The following ME2 variants were observed in gnomAD, a reference collection of about 807,000 sequenced individuals.
The protein encoded by ME2 is malic enzyme 2, also known as NAD-dependent malic enzyme, mitochondrial.
ME2 carries 60 observed loss-of-function variants against 73.7 expected under a neutral mutation model. The ratio of observed to expected loss-of-function variants is 0.81; its 90% confidence interval spans 0.66 to 1.01. ME2 has a LOEUF of 1.01. ME2 is among the 50% of genes least tolerant of loss of function. ME2 has a pLI of 0.00. For missense variants in ME2, 594 were observed against 705.5 expected (o/e 0.84, Z 1.79); for synonymous variants, 199 against 236.9 (o/e 0.84, Z 1.47).
intron 3 of ME2, among the ~76,000 whole-genome samples, chr18:50,910,258 C>G (rs1468056770): frequency 8.1e-6 from 1 of 123,770 alleles, no homozygotes; most frequent in Non-Finnish European, 1.6e-5. Context: ...AGAGTGGGAC[C>G]CTGTTTCTAC....
rs1918237649 is a variant in ME2 at position 50,951,926 on chromosome 18, A to C, written c.*4742A>C. On this transcript the variant is annotated 3_prime_UTR_variant, in exon 16 of 16. Coordinates refer to ENST00000321341, the MANE Select transcript of ME2 (RefSeq NM_002396.5). Reference sequence around the variant, plus strand: ...AAATCTCCAGGGTTCTGTTGAATTCACCAAAATGGGGTCAGCTCTGGTGAG... The same window carrying C: ...AAATCTCCAGGGTTCTGTTGAATTCCCCAAAATGGGGTCAGCTCTGGTGAG... 6.7e-6 allele frequency: 1 copy of C among 148,548 alleles called. No homozygotes were observed. Among genetic ancestry groups the C allele is most frequent in the South Asian group, 2.1e-4 (1 of 4,730 alleles). The allele number at this position is 148,548 out of a possible 1,614,324, so 9.2% of individuals were successfully genotyped here.
intron 2 of ME2, among the ~76,000 whole-genome samples, chr18:50,896,359 T>A (rs184654454): frequency 4.7e-4 from 72 of 152,302 alleles, no homozygotes; most frequent in Non-Finnish European, 1.5e-4. Flanking sequence ...CACCTCCACT[T>A]ATCTTTTTGG....
At position 50,949,278 on chromosome 18, in the gene ME2, G is replaced by A. The variant is rs1197483910; in HGVS notation, c.*2094G>A. On this transcript the variant is annotated 3_prime_UTR_variant, in exon 16 of 16. Coordinates refer to ENST00000321341, the MANE Select transcript of ME2 (RefSeq NM_002396.5). ...TCAGAAGTCTTTTTCATAACATACG[G>A]TCACAATTCCTTTCTTTTAATTAAA... 1 of 152,238 alleles carries A rather than the reference G, an allele frequency of 6.6e-6. No homozygotes were observed. Among genetic ancestry groups the A allele is most frequent in the African/African-American group, 2.4e-5 (1 of 41,448 alleles). 9.4% of individuals were successfully genotyped at this position (152,238 alleles called of 1,614,324 possible). A position where few individuals can be genotyped will look rare whatever the true frequency, so the allele number is the denominator to read the frequency against.
chr18:50,889,615 C>T (rs781507933), intron 1 of ME2, among the ~76,000 whole-genome samples: 3 of 152,052 alleles, frequency 2.0e-5, no homozygotes, highest in Non-Finnish European at 4.4e-5. Context: ...GTTAAGCGTT[C>T]CTAATAATGA....
intron 15 of ME2, 61 bp from the exon 16 acceptor site, chr18:50,946,956 A>G (rs1599131681): frequency 8.4e-7 from 1 of 1,190,488 alleles, no homozygotes; most frequent in East Asian, 2.4e-5. Context: ...TTATAATAGT[A>G]CGTTGTCTCT....
intron 1 of ME2, among the ~76,000 whole-genome samples, chr18:50,886,391 G>A (rs750360334): frequency 4.6e-5 from 7 of 151,814 alleles, no homozygotes; most frequent in Admixed American, 1.3e-4. Context: ...TTACAAGCAC[G>A]TACCACCCTG....
intron 13 of ME2, chr18:50,932,614 G>T (rs567650872): frequency 3.6e-6 from 1 of 281,054 alleles, no homozygotes; most frequent in South Asian, 6.8e-5. Context: ...CAGAGGAACA[G>T]AATGGCACAA....
At chr18:50,900,951 T>C (rs1208929613) in intron 2 of ME2, among the ~76,000 whole-genome samples, 1 of 152,242 alleles carries the variant, frequency 6.6e-6, no homozygotes, top group Non-Finnish European at 1.5e-5. Context: ...TATTTCGTCA[T>C]AGCAGCATGA....
intron 4 of ME2, among the ~76,000 whole-genome samples, chr18:50,915,175 A>G (rs1354139437): frequency 6.6e-6 from 1 of 152,118 alleles, no homozygotes; most frequent in Non-Finnish European, 1.5e-5. Flanking sequence ...GTAAGAATAC[A>G]GTATAGAATT....
chr18:50,906,803 A>C (rs1215106390), intron 2 of ME2, among the ~76,000 whole-genome samples: 2 of 152,204 alleles, frequency 1.3e-5, no homozygotes, highest in African/African-American at 4.8e-5. Flanking sequence ...GCAGTTTACA[A>C]CTACCCAGAA....
At chr18:50,933,359 A>G (rs1021570724) in intron 13 of ME2, 6 of 152,234 alleles carry the variant, frequency 3.9e-5, no homozygotes, top group South Asian at 2.1e-4. Flanking sequence ...AGATATGACA[A>G]GTTTATATAG....
chr18:50,951,265 TG>T lies in ME2; in HGVS notation c.*4082del, dbSNP rs1230956266. 6.6e-6 allele frequency: 1 copy of T among 152,200 alleles called. No individual in the cohort carries two copies. The highest frequency in any genetic ancestry group is 2.4e-5 in the African/African-American group (1 of 41,448). 9.4% of individuals were successfully genotyped at this position (152,200 alleles called of 1,614,324 possible). On this transcript the variant is annotated 3_prime_UTR_variant, in exon 16 of 16. Transcript: ENST00000321341. ...GGATTTTACATTTTTGCAAATGAGT[TG>T]CCAATGAATTAAGATCAAAACGTCA... is the stretch of plus-strand genomic sequence containing the variant.
intron 12 of ME2, among the ~76,000 whole-genome samples, chr18:50,930,541 C>T (rs1354878448): frequency 2.0e-5 from 3 of 152,074 alleles, no homozygotes; most frequent in Admixed American, 2.0e-4. Context: ...AATCTGGCCA[C>T]GTTTAAGCCA....
In ME2 at chr18:50,939,508, G is replaced by T. The variant is rs1212846613; in HGVS notation, c.1418-62G>T. On this transcript the variant is annotated intron_variant, in intron 13 of 15. Transcript: ENST00000321341. ...TTACCATTTATTTGCCTGAATATAG[G>T]AATTTACTTCTTTCATAATTTGAAA... The T allele has an allele frequency of 1.2e-5, 14 of 1,159,160 alleles. No individual in the cohort carries two copies. The South Asian group carries it at 1.5e-4, about 13-fold the overall frequency. The allele number at this position is 1,159,160 out of a possible 1,614,324, so 71.8% of individuals were successfully genotyped here.
chr18:50,930,479 G>T (rs1035345103), intron 12 of ME2, among the ~76,000 whole-genome samples: 1 of 152,092 alleles, frequency 6.6e-6, no homozygotes, highest in Non-Finnish European at 1.5e-5. Context: ...ATTGCCAGCT[G>T]CTTACATAGA....
chr18:50,907,752 A>G (rs1917048674), intron 2 of ME2, among the ~76,000 whole-genome samples: 1 of 152,194 alleles, frequency 6.6e-6, no homozygotes, highest in Admixed American at 6.5e-5. Flanking sequence ...GCCATTAAGA[A>G]TGTTTCTCTA....
chr18:50,939,813 A>G (rs1212317349), intron 14 of ME2, 173 bp downstream of exon 14: 1 of 549,950 alleles, frequency 1.8e-6, no homozygotes, highest in Non-Finnish European at 3.2e-6. Context: ...TTTTTTAATC[A>G]TGACTTAAAT....
Position 50,920,487 on chromosome 18 carries a change from G to A in ME2, c.766G>A (p.Asp256Asn). The change falls in exon 8 of 16, where the codon GAC (aspartate) becomes AAC (asparagine). Residue 256 changes from aspartate to asparagine, a missense_variant. Transcript: ENST00000321341. Reference protein sequence around the residue: ...YGRNTLIQFEDFGNHNAFRFL... With the variant: ...YGRNTLIQFENFGNHNAFRFL... ...CCGGAACACACTCATTCAGTTCGAA[G>A]ACTTTGGAAATCATAATGCATTCAG... 2 of 1,599,646 alleles carry A rather than the reference G, an allele frequency of 1.3e-6. No individual in the cohort carries two copies. The highest frequency in any genetic ancestry group is 1.7e-6 in the Non-Finnish European group (2 of 1,176,828).
Position 50,917,367 on chromosome 18 carries a change from A to C in ME2, c.489A>C (p.Gly163=), listed in dbSNP as rs747084146. Residue 163 remains glycine (G), a synonymous_variant, in exon 6 of 16, where the codon GGA becomes GGC. Transcript: ENST00000321341. ...NHVKAVVVTD[G]ERILGLGDLG... ...TTAAGGCTGTTGTAGTGACTGATGG[A>C]GAGAGAATTCTGGGTCTTGGAGATC... The C allele has an allele frequency of 1.2e-6, 2 of 1,613,484 alleles. No homozygotes were observed. Among genetic ancestry groups the C allele is most frequent in the Admixed American group, 3.3e-5 (2 of 59,992 alleles).
Sources: gnomAD v4.1 joint callset for allele counts (sites outside exome capture counted in the v4.1 genomes callset) on GRCh38, gnomAD v4.1.1 for gene constraint, MANE v1.5 for transcripts, NCBI Gene and HGNC (gene_info 2026-07-23, HGNC 2026-07-21) for gene names.